The following MARK4 variants were observed in gnomAD, a reference collection of about 807,000 sequenced individuals.
MARK4 encodes microtubule affinity regulating kinase 4, also known as MAP/microtubule affinity-regulating kinase 4.
Under a neutral mutation model 81.5 loss-of-function variants are expected in MARK4, and 19 were observed. The observed-to-expected ratio is 0.23, with a 90% CI of 0.16 to 0.34. The LOEUF is 0.34. MARK4 is among the 10% of genes least tolerant of loss of function. The pLI is 1.00. For synonymous variants in MARK4, 436 were observed against 439.0 expected (o/e 0.99, Z 0.08); for missense variants, 772 against 1,058.8 (o/e 0.73, Z 3.76).
At chr19:45,251,730 C>T (rs1970244232) in intron 1 of MARK4, 91 bp downstream of exon 1, 4 of 1,246,952 alleles carry the variant, frequency 3.2e-6, no homozygotes, top group South Asian at 1.4e-5. Flanking sequence ...CGAGCCCCTA[C>T]CCTCGTTTCC....
chr19:45,270,604 T>A (rs1192927502), intron 7 of MARK4, among the ~76,000 whole-genome samples: 1 of 152,086 alleles, frequency 6.6e-6, no homozygotes, highest in African/African-American at 2.4e-5. Context: ...CTGTTCTAGC[T>A]TTTCTTTTTT....
intron 8 of MARK4, 96 bp from the exon 9 acceptor site, chr19:45,277,824 TGTG>T (rs1386344466): frequency 2.6e-3 from 48 of 18,160 alleles, no homozygotes; most frequent in Middle Eastern, 0.025. Flanking sequence ...GGACAAAGGT[TGTG>T]TGTGTGTGTG....
chr19:45,277,453 G>A (rs903820543), intron 8 of MARK4, among the ~76,000 whole-genome samples: 7 of 39,438 alleles, frequency 1.8e-4, no homozygotes, highest in African/African-American at 7.9e-4. Flanking sequence ...TTTTTTTTTT[G>A]TAGAGACAGG....
chr19:45,277,566 A>T (rs1354214403), intron 8 of MARK4, among the ~76,000 whole-genome samples: 1 of 150,242 alleles, frequency 6.7e-6, no homozygotes, highest in Non-Finnish European at 1.5e-5. Context: ...TGCTCAGGTC[A>T]TTTTTTATTT....
At chr19:45,266,415 A>G in intron 7 of MARK4, 134 bp downstream of exon 7, 1 of 809,592 alleles carries the variant, frequency 1.2e-6, no homozygotes, top group African/African-American at 1.7e-5. Context: ...TCTTCCCTCC[A>G]CACCCAGCAC....
intron 13 of MARK4, among the ~76,000 whole-genome samples, chr19:45,291,767 G>A (rs1221047581): frequency 1.3e-5 from 2 of 152,184 alleles, no homozygotes; most frequent in African/African-American, 4.8e-5. Flanking sequence ...GGGTGACAGG[G>A]TGGGACTCTG....
At chr19:45,283,599 T>C (rs773403508) in intron 12 of MARK4, among the ~76,000 whole-genome samples, 3 of 152,184 alleles carry the variant, frequency 2.0e-5, no homozygotes, top group Non-Finnish European at 2.9e-5. Flanking sequence ...ATCCATGATA[T>C]GGGTATCAGC....
chr19:45,299,536 T>A (rs1970938510), intron 15 of MARK4, among the ~76,000 whole-genome samples: 1 of 152,156 alleles, frequency 6.6e-6, no homozygotes, highest in African/African-American at 2.4e-5. Context: ...TTTCTCTCTG[T>A]GGCCACTTAT....
chr19:45,271,753 G>A lies in MARK4; in HGVS notation c.786+45G>A. The stretch of plus-strand genomic sequence containing the variant: ...GCAGGGGCATCAGCCCCTCCCCACA[G>A]TCAGGCCCCTATCCCCCCCACACCT... On this transcript the variant is annotated intron_variant, in intron 8 of 16. Coordinates refer to ENST00000262891, the MANE Select transcript of MARK4 (RefSeq NM_001199867.2). The surrounding 1 kb of genome is among the most constrained non-coding windows in gnomAD (Gnocchi z 4.1). 3 of 1,565,860 alleles carry A rather than the reference G, an allele frequency of 1.9e-6. No individual in the cohort carries two copies. The highest frequency in any genetic ancestry group is 1.7e-6 in the Non-Finnish European group (2 of 1,145,134).
chr19:45,292,552 G>C (rs1384876679), intron 13 of MARK4, among the ~76,000 whole-genome samples: 1 of 152,048 alleles, frequency 6.6e-6, no homozygotes, highest in African/African-American at 2.4e-5. Flanking sequence ...ACCTTAAGAA[G>C]GTAAAAAAGG....
At position 45,302,280 on chromosome 19, in the gene MARK4, G is replaced by A. The variant is rs952546968; in HGVS notation, c.1923-94G>A. 6 of 1,586,094 alleles carry A rather than the reference G, an allele frequency of 3.8e-6. No homozygotes were observed. On this transcript the variant is annotated intron_variant, in intron 16 of 16. Coordinates refer to ENST00000262891, the MANE Select transcript of MARK4 (RefSeq NM_001199867.2). The surrounding 1 kb of genome is among the most constrained non-coding windows in gnomAD (Gnocchi z 4.9). ...AGATGTTTTTTGAGGGGATGGCTAG[G>A]AATGTGTCCCGAATTGGGAAGAGTT...
At chr19:45,256,120 A>G (rs1395518023) in intron 1 of MARK4, among the ~76,000 whole-genome samples, 1 of 152,188 alleles carries the variant, frequency 6.6e-6, no homozygotes, top group Non-Finnish European at 1.5e-5. Context: ...CAGGGATTCA[A>G]CCAGGTCTCA....
Position 45,271,453 on chromosome 19 carries a change from T to C in MARK4, c.550-19T>C. On this transcript the variant is annotated intron_variant, in intron 7 of 16. Transcript: ENST00000262891. The surrounding 1 kb of genome is among the most constrained non-coding windows in gnomAD (Gnocchi z 4.1). ...TGGCCTTGAGTCCCACTTTCCGCCC[T>C]CTCCTTCTCTCCCTGCAGGCTGAGA... 1.2e-6 allele frequency: 2 copies of C among 1,611,666 alleles called. No individual in the cohort carries two copies. The highest frequency in any genetic ancestry group is 1.7e-6 in the Non-Finnish European group (2 of 1,178,176).
chr19:45,302,500 C>A lies in MARK4; in HGVS notation c.2049C>A (p.Ala683=), dbSNP rs766337671. ...LMAALRQATA[A]ARCRCRQPQP... ...CAGCTCTGCGCCAGGCCACAGCAGC[C>A]GCCCGCTGCCGCTGCCGCCAGCCAC... Residue 683 remains alanine, a synonymous_variant, in exon 17 of 17, where the codon GCC becomes GCA. Transcript: ENST00000262891. The surrounding 1 kb of genome is among the most constrained non-coding windows in gnomAD (Gnocchi z 4.9). 2.4e-4 allele frequency: 382 copies of A among 1,604,058 alleles called. 1 individual carries two copies. Among genetic ancestry groups the A allele is most frequent in the Non-Finnish European group, 2.7e-4 (323 of 1,178,974 alleles).
At chr19:45,294,834 G>A (rs1568) in intron 14 of MARK4, among the ~76,000 whole-genome samples, 29,023 of 152,004 alleles carry the variant, frequency 0.19, 3,242 homozygotes, top group Non-Finnish European at 0.27. Context: ...GGCAAGGGAG[G>A]GAAACCAGTT....
chr19:45,279,485 C>A (rs1382737071), intron 10 of MARK4, among the ~76,000 whole-genome samples: 2 of 152,166 alleles, frequency 1.3e-5, no homozygotes, highest in African/African-American at 4.8e-5. Context: ...CCACTGTACT[C>A]CACCCTGGGC....
At chr19:45,268,954 T>G (rs1355930218) in intron 7 of MARK4, among the ~76,000 whole-genome samples, 1 of 152,126 alleles carries the variant, frequency 6.6e-6, no homozygotes, top group Non-Finnish European at 1.5e-5. Flanking sequence ...GTATGTCCCC[T>G]GGTGGAGGGT....
chr19:45,259,980 A>T (rs541388837), intron 2 of MARK4, among the ~76,000 whole-genome samples: 2 of 151,510 alleles, frequency 1.3e-5, no homozygotes, highest in Non-Finnish European at 2.9e-5. Context: ...TCAGCTGCTC[A>T]GTAGGCTGAG....
chr19:45,283,681 A>G (rs530775298), intron 12 of MARK4, among the ~76,000 whole-genome samples: 1 of 152,292 alleles, frequency 6.6e-6, no homozygotes, highest in East Asian at 1.9e-4. Flanking sequence ...TCCATTCATG[A>G]ACACGTGGAT....
Sources: gnomAD v4.1 joint callset for allele counts (sites outside exome capture counted in the v4.1 genomes callset) on GRCh38, gnomAD v4.1.1 for gene constraint, Gnocchi (gnomAD v3.1) non-coding constraint, MANE v1.5 for transcripts, NCBI Gene and HGNC (gene_info 2026-07-23, HGNC 2026-07-21) for gene names.